The following HDAC8 variants were observed in gnomAD, a reference collection of about 807,000 sequenced individuals.
HDAC8 encodes the protein histone deacetylase 8, also known as histone deacetylase-like 1.
A neutral mutation model predicts 32.2 loss-of-function variants in HDAC8; 1 was observed. The observed-to-expected ratio is 0.03, with a 90% CI of 0.01 to 0.15. The LOEUF (loss-of-function observed/expected upper bound fraction) is 0.15. Ranked by LOEUF, HDAC8 falls within the 10% of genes least tolerant of loss-of-function variation. The probability of loss-of-function intolerance (pLI) is 1.00; values close to 1 mark genes in which losing one functional copy is unlikely to be tolerated. For missense variants in HDAC8, 117 were observed against 300.0 expected (o/e 0.39, Z 4.51); for synonymous variants, 108 against 113.9 (o/e 0.95, Z 0.33).
chrX:72,344,896 C>T (rs782785079), intron 10 of HDAC8, among the ~76,000 whole-genome samples: 148 of 111,940 alleles, frequency 1.3e-3, no homozygotes, highest in Middle Eastern at 4.6e-3. Flanking sequence ...ATCACTGTAT[C>T]ATGTGGTGCT....
intron 9 of HDAC8, among the ~76,000 whole-genome samples, chrX:72,354,043 A>G (rs1440032551): frequency 1.8e-5 from 2 of 112,239 alleles, no homozygotes; most frequent in Non-Finnish European, 3.8e-5. Flanking sequence ...GACCAAGAGC[A>G]TATGGTTGCA....
At chrX:72,374,410 G>A (rs2044986484) in intron 9 of HDAC8, among the ~76,000 whole-genome samples, 1 of 111,435 alleles carries the variant, frequency 9.0e-6, no homozygotes, top group African/African-American at 3.3e-5. Context: ...CATGTCTCAT[G>A]TCTGCAATCC....
chrX:72,571,149 C>A (rs2052028294), intron 2 of HDAC8, among the ~76,000 whole-genome samples: 1 of 111,251 alleles, frequency 9.0e-6, no homozygotes, highest in South Asian at 3.8e-4. Flanking sequence ...TGGTCTTGAT[C>A]TCCTGAGCTC....
chrX:72,552,454 T>TA (rs1279470046), intron 4 of HDAC8, among the ~76,000 whole-genome samples: 3 of 110,615 alleles, frequency 2.7e-5, no homozygotes, highest in African/African-American at 9.9e-5. Context: ...CTACTAAAAG[T>TA]AAAAAAATTA....
At chrX:72,345,917 C>T (rs2147720834) in intron 10 of HDAC8, among the ~76,000 whole-genome samples, 1 of 111,675 alleles carries the variant, frequency 9.0e-6, no homozygotes, top group East Asian at 2.8e-4. Flanking sequence ...CTCCTCGGCT[C>T]AAGCAATCCA....
At position 72,329,958 on chromosome X, in the gene HDAC8, C is replaced by CA. The variant is rs1824258674; in HGVS notation, c.*95_*96insT. On this transcript the variant is annotated 3_prime_UTR_variant, in exon 11 of 11. Transcript: ENST00000373573. ...GGAAGTAATTTCTTTCAAATTTTCC[C>CA]TGCAGTCACAAATTCCACAAACTGC... 1.1e-6 allele frequency: 1 copy of CA among 932,137 alleles called. No homozygotes were observed. The highest frequency in any genetic ancestry group is 1.5e-6 in the Non-Finnish European group (1 of 655,175). 76.8% of individuals were successfully genotyped at this position (932,137 alleles called of 1,213,427 possible). A position where few individuals can be genotyped will look rare whatever the true frequency, so the allele number is the denominator to read the frequency against.
intron 4 of HDAC8, among the ~76,000 whole-genome samples, chrX:72,499,648 T>C (rs2049142129): frequency 9.0e-6 from 1 of 111,671 alleles, no homozygotes; most frequent in Non-Finnish European, 1.9e-5. Context: ...TAAGGCAGTG[T>C]TAAGAGGGAA....
chrX:72,392,263 A>AGCT (rs2045630774), intron 9 of HDAC8, among the ~76,000 whole-genome samples: 2 of 111,791 alleles, frequency 1.8e-5, no homozygotes, highest in African/African-American at 6.5e-5. Flanking sequence ...GCCTTAAACC[A>AGCT]TCCACCCCTG....
In HDAC8 at chrX:72,400,397, T is replaced by C. The variant is rs377384091; in HGVS notation, c.1006-48559A>G. On this transcript the variant is annotated intron_variant, in intron 9 of 10. Coordinates refer to ENST00000373573, the MANE Select transcript of HDAC8 (RefSeq NM_018486.3). ...CTCAACATGTCCAAACTGAACTCTTTATCATCTGAAACTGCACCTCCCACA... is the reference window on the plus strand; with the variant it reads ...CTCAACATGTCCAAACTGAACTCTTCATCATCTGAAACTGCACCTCCCACA... Among the ~76,000 whole-genome samples the C allele has an allele frequency of 2.7e-5, 3 of 111,965 alleles. No individual in the cohort carries two copies. The East Asian group carries it at 8.4e-4, about 31-fold the overall frequency.
chrX:72,371,663 A>C (rs1555956382), intron 9 of HDAC8, among the ~76,000 whole-genome samples: 1 of 112,187 alleles, frequency 8.9e-6, no homozygotes, highest in African/African-American at 3.2e-5. Flanking sequence ...TAAGCCTATA[A>C]GTTCCTGGAA....
intron 9 of HDAC8, among the ~76,000 whole-genome samples, chrX:72,411,576 C>T (rs1285224628): frequency 2.7e-5 from 3 of 111,673 alleles, no homozygotes; most frequent in Non-Finnish European, 5.6e-5. Context: ...TACTGTTGTA[C>T]CTCTAGTATC....
At chrX:72,559,832 G>T (rs2051460417) in intron 4 of HDAC8, among the ~76,000 whole-genome samples, 1 of 110,142 alleles carries the variant, frequency 9.1e-6, no homozygotes, top group Admixed American at 9.5e-5. Context: ...CCTCCGCCCA[G>T]CAGCTGCCCC....
At chrX:72,391,978 C>T (rs782198481) in intron 9 of HDAC8, among the ~76,000 whole-genome samples, 15 of 111,698 alleles carry the variant, frequency 1.3e-4, no homozygotes, top group African/African-American at 3.9e-4. Flanking sequence ...CTGCATATAG[C>T]GGTAGTCAGT....
chrX:72,469,310 A>C (rs782725085), intron 7 of HDAC8, among the ~76,000 whole-genome samples: 3 of 111,107 alleles, frequency 2.7e-5, no homozygotes, highest in South Asian at 7.6e-4. Flanking sequence ...CAGCTTCCCA[A>C]GTTGCTGGGA....
chrX:72,571,565 T>C (rs1203472741), intron 2 of HDAC8, among the ~76,000 whole-genome samples: 4 of 64,737 alleles, frequency 6.2e-5, no homozygotes, highest in African/African-American at 3.6e-4. Context: ...TTTTTTTTTT[T>C]TTTTTTTTTT....
chrX:72,355,506 G>T (rs1229203934), intron 9 of HDAC8, among the ~76,000 whole-genome samples: 1 of 111,669 alleles, frequency 9.0e-6, no homozygotes, highest in Admixed American at 9.5e-5. Flanking sequence ...TGAAAAGGGG[G>T]CAAATGGAAA....
At chrX:72,340,071 G>C (rs937684837) in intron 10 of HDAC8, among the ~76,000 whole-genome samples, 1 of 112,134 alleles carries the variant, frequency 8.9e-6, no homozygotes, top group Non-Finnish European at 1.9e-5. Flanking sequence ...GGGTGCTCTC[G>C]TCTTAGTTCT....
chrX:72,422,830 T>C (rs1281453531), intron 9 of HDAC8, among the ~76,000 whole-genome samples: 1 of 110,442 alleles, frequency 9.1e-6, no homozygotes, highest in Non-Finnish European at 1.9e-5. Context: ...TAGATAGCCC[T>C]CTGACAGGTT....
At chrX:72,361,368 T>G in intron 9 of HDAC8, among the ~76,000 whole-genome samples, 1 of 111,869 alleles carries the variant, frequency 8.9e-6, no homozygotes, top group East Asian at 2.8e-4. Context: ...AAATGTTATC[T>G]TAATGGAGCA....
Sources: gnomAD v4.1 joint callset for allele counts (sites outside exome capture counted in the v4.1 genomes callset) on GRCh38, gnomAD v4.1.1 for gene constraint, MANE v1.5 for transcripts, NCBI Gene and HGNC (gene_info 2026-07-23, HGNC 2026-07-21) for gene names.